VCAN: variants seen among roughly 807,000 people sequenced by gnomAD.
VCAN encodes the protein versican core protein.
Under a neutral mutation model 245.5 loss-of-function variants are expected in VCAN, and 44 were observed. That is an observed-to-expected ratio of 0.18 (90% CI 0.14 to 0.23). The LOEUF (loss-of-function observed/expected upper bound fraction) is 0.23. VCAN is among the 10% of genes least tolerant of loss of function. The pLI is 1.00. For missense variants in VCAN, 3,793 were observed against 4,057.9 expected (o/e 0.93, Z 1.77); for synonymous variants, 1,413 against 1,437.0 (o/e 0.98, Z 0.38).
At position 83,538,119 on chromosome 5, in the gene VCAN, G is replaced by A; in HGVS notation, c.5116G>A (p.Val1706Ile). 6.2e-7 allele frequency: 1 copy of A among 1,614,034 alleles called. No individual in the cohort carries two copies. The change falls in exon 8 of 15, where the codon GTA becomes ATA. Residue 1706 changes from valine (V) to isoleucine (I), a missense_variant. Around this residue, in one of 5 missense-constraint regions of VCAN, gnomAD observed 3,182 missense variants for 3,250.3 expected, o/e 0.98. Coordinates refer to ENST00000265077, the MANE Select transcript of VCAN (RefSeq NM_004385.5). ...TGCAAAAGTGGTGCCTACCAAGTTT[G>A]TAAGTGAAACAGACACTTCTGAGTG... ...PSAKVVPTKF[V>I]SETDTSEWIS... is the part of the protein sequence containing the mutation.
intron 6 of VCAN, among the ~76,000 whole-genome samples, chr5:83,516,886 C>A (rs1745874409): frequency 6.6e-6 from 1 of 152,244 alleles, no homozygotes; most frequent in Non-Finnish European, 1.5e-5. Flanking sequence ...CTCAGATACA[C>A]TGACTTGTGA....
In VCAN at chr5:83,493,526, G is replaced by C; in HGVS notation, c.446-20G>C. 6.2e-7 allele frequency: 1 copy of C among 1,612,758 alleles called. No individual in the cohort carries two copies. The highest frequency in any genetic ancestry group is 8.5e-7 in the Non-Finnish European group (1 of 1,180,004). On this transcript the variant is annotated intron_variant, in intron 3 of 14. Transcript: ENST00000265077. ...GGGAGATTTGAACAGGCTGGCAATT[G>C]TTTGCTGTTGTTTTTGCAGGGGTTG...
chr5:83,490,431 G>A lies in VCAN; in HGVS notation c.404G>A (p.Gly135Glu). Residue 135 changes from glycine to glutamate, a missense_variant, in exon 3 of 15, where the codon GGG becomes GAG. This residue lies in a region of VCAN where 179 missense variants were observed against 169.7 expected (regional missense o/e 1.05). Coordinates refer to ENST00000265077, the MANE Select transcript of VCAN (RefSeq NM_004385.5). The part of the protein sequence containing the change: ...AGLYRCDVMY[G>E]IEDTQDTVSL... ...CTTTACCGCTGTGACGTCATGTACG[G>A]GATTGAAGACACACAAGACACGGTG... 6.2e-7 allele frequency: 1 copy of A among 1,614,146 alleles called. No homozygotes were observed. Among genetic ancestry groups the A allele is most frequent in the African/African-American group, 1.3e-5 (1 of 75,026 alleles).
chr5:83,514,446 G>GTGTGTT (rs1745777122), intron 6 of VCAN, among the ~76,000 whole-genome samples: 1 of 150,360 alleles, frequency 6.7e-6, no homozygotes, highest in Non-Finnish European at 1.5e-5. Flanking sequence ...GTGTGTGTGT[G>GTGTGTT]TGTGTATTTT....
At position 83,541,542 on chromosome 5, in the gene VCAN, A is replaced by G. The variant is rs1373649150; in HGVS notation, c.8539A>G (p.Ser2847Gly). Residue 2847 changes from serine (S) to glycine (G), a missense_variant, in exon 8 of 15, where the codon AGT becomes GGT. Around this residue, in one of 5 missense-constraint regions of VCAN, gnomAD observed 3,182 missense variants for 3,250.3 expected, o/e 0.98. Transcript: ENST00000265077. ...ASGHTEIPQP[S>G]ALPGIDVGSS... ...TGGACACACAGAGATCCCCCAGCCC[A>G]GTGCTCTGCCAGGAATAGACGTCGG... 16 of 1,613,872 alleles carry G rather than the reference A, an allele frequency of 9.9e-6. No homozygotes were observed. The highest frequency in any genetic ancestry group is 6.6e-5 in the South Asian group (6 of 91,088).
intron 7 of VCAN, among the ~76,000 whole-genome samples, chr5:83,530,482 G>A (rs555664131): frequency 1.5e-4 from 23 of 152,202 alleles, no homozygotes; most frequent in South Asian, 6.2e-4. Flanking sequence ...GGTGAGGGGC[G>A]TAGCTAAGGG....
At chr5:83,556,778 TAA>T (rs1747684319) in intron 12 of VCAN, among the ~76,000 whole-genome samples, 1 of 152,188 alleles carries the variant, frequency 6.6e-6, no homozygotes, top group Non-Finnish European at 1.5e-5. Flanking sequence ...ATTTAATTTC[TAA>T]GTGAACATAT....
In VCAN at chr5:83,579,446, G is replaced by A. The variant is rs575498574; in HGVS notation, c.9881-534G>A. Among the ~76,000 whole-genome samples the A allele has an allele frequency of 7.2e-5, 11 of 152,110 alleles. No homozygotes were observed. The South Asian group carries it at 2.3e-3, about 32-fold the overall frequency. ...GCCTGGCTAATTTTTTGTATTTTTA[G>A]TAGAAACAGGGTTTCACCATGTTGG... On this transcript the variant is annotated intron_variant, in intron 13 of 14. Transcript: ENST00000265077.
chr5:83,566,645 G>A (rs1330981276), intron 12 of VCAN, among the ~76,000 whole-genome samples: 1 of 152,094 alleles, frequency 6.6e-6, no homozygotes, highest in African/African-American at 2.4e-5. Context: ...CTGGGAAGGA[G>A]AGAAATAGCT....
intron 7 of VCAN, among the ~76,000 whole-genome samples, chr5:83,529,222 T>A (rs1746424948): frequency 1.3e-5 from 2 of 151,568 alleles, no homozygotes; most frequent in Admixed American, 1.3e-4. Flanking sequence ...GTTATTGTGA[T>A]AGAAAGAGCC....
In VCAN at chr5:83,538,397, A is replaced by G. The variant is rs752887253; in HGVS notation, c.5394A>G (p.Thr1798=). Residue 1798 remains threonine (T), a synonymous_variant, in exon 8 of 15, where the codon ACA becomes ACG. Coordinates refer to ENST00000265077, the MANE Select transcript of VCAN (RefSeq NM_004385.5). The stretch of plus-strand genomic sequence containing the variant: ...CTCCTGTCTTTACAGAAACAAATAC[A>G]TTAGAAAATTTGGGGGCACAGACCA... ...DSTPVFTETN[T]LENLGAQTTE... 13 of 1,613,900 alleles carry G rather than the reference A, an allele frequency of 8.1e-6. No individual in the cohort carries two copies. The highest frequency in any genetic ancestry group is 2.2e-5 in the East Asian group (1 of 44,890).
chr5:83,511,904 G>A lies in VCAN; in HGVS notation c.749-199G>A, dbSNP rs915693846. On this transcript the variant is annotated intron_variant, in intron 5 of 14. Transcript: ENST00000265077. ...GTATAGAATAAAACTTCTCGGGTAT[G>A]TGTTATTTATGATTATGTATTCATA... 5.3e-5 allele frequency among the ~76,000 whole-genome samples: 8 copies of A among 152,286 alleles called. No individual in the cohort carries two copies. The Middle Eastern group carries it at 0.01, about 194-fold the overall frequency.
At chr5:83,506,848 G>A (rs1172797663) in intron 5 of VCAN, among the ~76,000 whole-genome samples, 1 of 152,168 alleles carries the variant, frequency 6.6e-6, no homozygotes, top group Non-Finnish European at 1.5e-5. Flanking sequence ...TTCTTACATG[G>A]CAGCGGCAAG....
At chr5:83,518,236 A>ATTTT (rs5869182) in intron 6 of VCAN, among the ~76,000 whole-genome samples, 30,690 of 151,832 alleles carry the variant, frequency 0.2, 3,867 homozygotes, top group African/African-American at 0.34. Flanking sequence ...AAAAATACTG[A>ATTTT]TTTTTATTTT....
chr5:83,533,271 TG>T (rs1746589081), intron 7 of VCAN, among the ~76,000 whole-genome samples: 1 of 152,074 alleles, frequency 6.6e-6, no homozygotes, highest in African/African-American at 2.4e-5. Flanking sequence ...AGTTGCGAGG[TG>T]GGTGGAGAAA....
intron 1 of VCAN, among the ~76,000 whole-genome samples, chr5:83,482,332 G>A (rs1158739837): frequency 6.6e-6 from 1 of 152,170 alleles, no homozygotes; most frequent in Non-Finnish European, 1.5e-5. Context: ...CTTCACTGGA[G>A]GAAGAGATCC....
rs2112325883 is a variant in VCAN, at chr5:83,473,673, TTGCAGAACCTAGA to T, written c.-7+1653_-7+1665del. Reference sequence around the variant, plus strand: ...CTGCCCCCAGTTCAGCTCACAAGACTTGCAGAACCTAGATGTCTAGGAATTGGGAGTTTTGCGG... The same window carrying T: ...CTGCCCCCAGTTCAGCTCACAAGACTTGTCTAGGAATTGGGAGTTTTGCGG... On this transcript the variant is annotated intron_variant, in intron 1 of 14. Transcript: ENST00000265077. Among the ~76,000 whole-genome samples the T allele has an allele frequency of 1.3e-5, 2 of 152,274 alleles. 1 individual carries two copies. The highest frequency in any genetic ancestry group is 4.1e-4 in the South Asian group (2 of 4,830).
intron 10 of VCAN, among the ~76,000 whole-genome samples, chr5:83,550,887 C>CAAAA (rs57081110): frequency 0.45 from 22,611 of 49,954 alleles, 5,754 homozygotes; most frequent in Non-Finnish European, 0.48. Context: ...GACTCCATCT[C>CAAAA]AAAAAAAAAA....
chr5:83,529,984 G>A (rs1364169783), intron 7 of VCAN, among the ~76,000 whole-genome samples: 1 of 152,080 alleles, frequency 6.6e-6, no homozygotes, highest in East Asian at 1.9e-4. Context: ...GCCACAAGAA[G>A]CCAAGTATAA....
Sources: gnomAD v4.1 joint callset for allele counts (sites outside exome capture counted in the v4.1 genomes callset) on GRCh38, gnomAD v4.1.1 for gene constraint, gnomAD v4.1.1 regional missense constraint, MANE v1.5 for transcripts, NCBI Gene and HGNC (gene_info 2026-07-23, HGNC 2026-07-21) for gene names.